The following MYO5A variants were observed in gnomAD, a reference collection of about 807,000 sequenced individuals.
MYO5A encodes the protein unconventional myosin-Va.
Under a neutral mutation model 249.7 loss-of-function variants are expected in MYO5A, and 98 were observed. The ratio of observed to expected loss-of-function variants is 0.39; its 90% confidence interval spans 0.33 to 0.46. The LOEUF is 0.46. MYO5A is among the 20% of genes least tolerant of loss of function. The pLI, the probability that MYO5A is intolerant of heterozygous loss-of-function variation, is 0.98. For synonymous variants in MYO5A, 778 were observed against 810.6 expected, an observed-to-expected ratio of 0.96 and a Z score of 0.68; for missense variants, 1,696 against 2,308.8, an observed-to-expected ratio of 0.73 and a Z score of 5.44.
chr15:52,404,712 G>C (rs2042920134), intron 9 of MYO5A, among the ~76,000 whole-genome samples: 1 of 152,128 alleles, frequency 6.6e-6, no homozygotes, highest in African/African-American at 2.4e-5. Flanking sequence ...TAGGGAAGAA[G>C]AGCAATGTAT....
At chr15:52,423,460 G>A (rs931968526) in intron 4 of MYO5A, among the ~76,000 whole-genome samples, 5 of 152,024 alleles carry the variant, frequency 3.3e-5, no homozygotes, top group Non-Finnish European at 7.4e-5. Flanking sequence ...GCTGAGGCAG[G>A]AGAATGGCGT....
At chr15:52,329,831 T>C (rs1230104009) in intron 35 of MYO5A, among the ~76,000 whole-genome samples, 1 of 151,204 alleles carries the variant, frequency 6.6e-6, no homozygotes. Flanking sequence ...CTTGAACTCC[T>C]GGGCTTACAT....
intron 1 of MYO5A, among the ~76,000 whole-genome samples, chr15:52,499,746 G>C (rs2077114960): frequency 6.6e-6 from 1 of 152,198 alleles, no homozygotes; most frequent in Non-Finnish European, 1.5e-5. Flanking sequence ...AATGGACACT[G>C]GGTTGCTTCC....
chr15:52,376,656 C>G, intron 18 of MYO5A, 98 bp from the exon 19 acceptor site: 1 of 1,174,052 alleles, frequency 8.5e-7, no homozygotes, highest in Non-Finnish European at 1.2e-6. Flanking sequence ...AGGAATGACT[C>G]TATTAGCTAA....
At chr15:52,474,147 A>T (rs1232754499) in intron 1 of MYO5A, among the ~76,000 whole-genome samples, 6 of 152,022 alleles carry the variant, frequency 3.9e-5, no homozygotes, top group Non-Finnish European at 7.4e-5. Flanking sequence ...ATTCTCTTTG[A>T]AGCAATTGTG....
At chr15:52,491,938 C>T (rs545743898) in intron 1 of MYO5A, among the ~76,000 whole-genome samples, 5 of 152,238 alleles carry the variant, frequency 3.3e-5, no homozygotes, top group East Asian at 1.9e-4. Context: ...AGATAGAGTA[C>T]GAACCTATAG....
At chr15:52,457,028 A>G (rs1163191575) in intron 1 of MYO5A, among the ~76,000 whole-genome samples, 1 of 152,246 alleles carries the variant, frequency 6.6e-6, no homozygotes, top group Non-Finnish European at 1.5e-5. Context: ...GATAACCCAC[A>G]GAACTGGAGA....
intron 1 of MYO5A, among the ~76,000 whole-genome samples, chr15:52,518,382 A>C (rs2077540120): frequency 6.6e-6 from 1 of 152,210 alleles, no homozygotes; most frequent in Admixed American, 6.5e-5. Context: ...GTTAAAATGC[A>C]ATAGTAACTC....
At chr15:52,520,629 T>A (rs1277736628) in intron 1 of MYO5A, among the ~76,000 whole-genome samples, 1 of 152,170 alleles carries the variant, frequency 6.6e-6, no homozygotes, top group African/African-American at 2.4e-5. Context: ...GGCTTTGAGT[T>A]TGGGTTTCTG....
At chr15:52,417,062 C>T (rs1380939789) in intron 4 of MYO5A, among the ~76,000 whole-genome samples, 1 of 152,124 alleles carries the variant, frequency 6.6e-6, no homozygotes, top group East Asian at 1.9e-4. Context: ...ATACATGCAA[C>T]AGTGTGGAAA....
At chr15:52,327,432 G>A (rs2038661942) in intron 36 of MYO5A, among the ~76,000 whole-genome samples, 2 of 152,320 alleles carry the variant, frequency 1.3e-5, no homozygotes, top group Middle Eastern at 3.4e-3. Context: ...GAGTGGCTGG[G>A]TGCAGTGGCT....
intron 1 of MYO5A, among the ~76,000 whole-genome samples, chr15:52,444,334 C>A (rs1280750959): frequency 1.3e-5 from 2 of 152,182 alleles, no homozygotes; most frequent in East Asian, 1.9e-4. Context: ...TTAAAATAAT[C>A]AAAGGTAAAA....
chr15:52,354,071 T>C, intron 25 of MYO5A, 57 bp from the exon 26 acceptor site: 4 of 1,602,476 alleles, frequency 2.5e-6, no homozygotes, highest in Non-Finnish European at 3.4e-6. Flanking sequence ...TAAAAGCCAA[T>C]GAGAAAATGA....
chr15:52,513,041 G>A (rs575514822), intron 1 of MYO5A, among the ~76,000 whole-genome samples: 90 of 151,888 alleles, frequency 5.9e-4, no homozygotes, highest in African/African-American at 2.0e-3. Context: ...CCAGATGATT[G>A]CTACACATAG....
intron 3 of MYO5A, 141 bp from the exon 4 acceptor site, chr15:52,426,115 G>T: frequency 1.3e-6 from 1 of 779,626 alleles, no homozygotes; most frequent in Non-Finnish European, 2.0e-6. Context: ...AATTGTTCAA[G>T]GATCAAAATG....
chr15:52,469,486 G>C (rs1349217410), intron 1 of MYO5A, among the ~76,000 whole-genome samples: 1 of 152,174 alleles, frequency 6.6e-6, no homozygotes, highest in African/African-American at 2.4e-5. Context: ...GGCTGAGGAG[G>C]AGGAGGAAGA....
intron 11 of MYO5A, among the ~76,000 whole-genome samples, chr15:52,392,531 C>T (rs1353702809): frequency 2.6e-5 from 4 of 152,204 alleles, no homozygotes; most frequent in African/African-American, 7.2e-5. Flanking sequence ...CTGAAGTTCA[C>T]GTGGCTCAGA....
intron 1 of MYO5A, among the ~76,000 whole-genome samples, chr15:52,439,303 A>G (rs2075736290): frequency 6.6e-6 from 1 of 152,152 alleles, no homozygotes. Flanking sequence ...TGATTAGCTA[A>G]CAAAGGGTTA....
intron 1 of MYO5A, among the ~76,000 whole-genome samples, chr15:52,456,329 T>C (rs1268017606): frequency 6.6e-6 from 1 of 152,106 alleles, no homozygotes. Context: ...CACAAAAACA[T>C]GGAAAGATAT....
Sources: gnomAD v4.1 joint callset for allele counts (sites outside exome capture counted in the v4.1 genomes callset) on GRCh38, gnomAD v4.1.1 for gene constraint, MANE v1.5 for transcripts, NCBI Gene and HGNC (gene_info 2026-07-23, HGNC 2026-07-21) for gene names.